The following PPM1B variants were observed in gnomAD, a reference collection of about 807,000 sequenced individuals.
PPM1B encodes protein phosphatase, Mg2+/Mn2+ dependent 1B.
A neutral mutation model predicts 43.0 loss-of-function variants in PPM1B; 22 were observed. That is an observed-to-expected ratio of 0.51 (90% CI 0.37 to 0.73). The LOEUF (loss-of-function observed/expected upper bound fraction) is 0.73. Ranked by LOEUF, PPM1B falls within the 30% of genes least tolerant of loss-of-function variation. The probability of loss-of-function intolerance (pLI) is 0.00; values close to 1 mark genes in which losing one functional copy is unlikely to be tolerated. For synonymous variants in PPM1B, 217 were observed against 197.9 expected, an observed-to-expected ratio of 1.10 and a Z score of -0.81; for missense variants, 632 against 584.2, an observed-to-expected ratio of 1.08 and a Z score of -0.84.
intron 1 of PPM1B, among the ~76,000 whole-genome samples, chr2:44,195,795 TGCA>T (rs1173304156): frequency 1.3e-5 from 2 of 152,204 alleles, no homozygotes; most frequent in East Asian, 3.9e-4. Context: ...TAACCAATAA[TGCA>T]GCAGAAGTGA....
At chr2:44,181,364 A>T (rs1269689461) in intron 1 of PPM1B, among the ~76,000 whole-genome samples, 2 of 152,126 alleles carry the variant, frequency 1.3e-5, no homozygotes, top group Admixed American at 6.5e-5. Context: ...GAGCCTAGGC[A>T]TGACAAATTA....
At chr2:44,232,852 T>G (rs1411626395), downstream of PPM1B, 1 of 970,540 alleles carries the variant, frequency 1.0e-6, no homozygotes, top group Non-Finnish European at 1.2e-6. Flanking sequence ...TATTTATTAT[T>G]GATTGTTATT....
chr2:44,241,979 C>G (rs1337339043), intron 5 of PPM1B, among the ~76,000 whole-genome samples: 3 of 150,838 alleles, frequency 2.0e-5, no homozygotes, highest in Non-Finnish European at 4.4e-5. Flanking sequence ...CTGCCCCAGC[C>G]TTCCGAGTAG....
chr2:44,232,736 A>G, downstream of PPM1B: 1 of 1,002,284 alleles, frequency 1.0e-6, no homozygotes. Flanking sequence ...TAAGCATGTA[A>G]GAGTAAAGAA....
intron 1 of PPM1B, among the ~76,000 whole-genome samples, chr2:44,169,743 CT>C (rs1667232535): frequency 6.6e-6 from 1 of 152,238 alleles, no homozygotes; most frequent in African/African-American, 2.4e-5. Flanking sequence ...GTTAAATCGT[CT>C]TTCTCTGCTG....
chr2:44,241,616 C>T (rs925958053), intron 5 of PPM1B, among the ~76,000 whole-genome samples: 1 of 116,810 alleles, frequency 8.6e-6, no homozygotes. Context: ...CCTGTAATCC[C>T]AGCTACCTGG....
At chr2:44,171,213 C>G (rs1667325243) in intron 1 of PPM1B, among the ~76,000 whole-genome samples, 1 of 152,014 alleles carries the variant, frequency 6.6e-6, no homozygotes. Flanking sequence ...TGTGAAGACT[C>G]TAGGAATAGG....
downstream of PPM1B, among the ~76,000 whole-genome samples, chr2:44,236,166 C>T (rs1382690442): frequency 6.6e-6 from 1 of 151,768 alleles, no homozygotes; most frequent in Non-Finnish European, 1.5e-5. Context: ...CAGGCCAAGG[C>T]GGGCAGATCA....
At chr2:44,237,593 C>G (rs964314904), downstream of PPM1B, among the ~76,000 whole-genome samples, 1 of 152,090 alleles carries the variant, frequency 6.6e-6, no homozygotes, top group Admixed American at 6.6e-5. Context: ...AGAGCCATAC[C>G]TTTTATGGAA....
At chr2:44,183,960 G>A (rs556243180) in intron 1 of PPM1B, among the ~76,000 whole-genome samples, 16 of 152,160 alleles carry the variant, frequency 1.1e-4, no homozygotes, top group African/African-American at 2.4e-4. Flanking sequence ...GTATGGTCTC[G>A]ATCTCCTGAC....
intron 3 of PPM1B, among the ~76,000 whole-genome samples, chr2:44,212,517 G>C (rs149391661): frequency 6.6e-6 from 1 of 152,118 alleles, no homozygotes; most frequent in African/African-American, 2.4e-5. Flanking sequence ...AAATCCAATC[G>C]TGTTGGACAA....
At chr2:44,221,346 A>G (rs1669969086) in intron 5 of PPM1B, among the ~76,000 whole-genome samples, 1 of 152,210 alleles carries the variant, frequency 6.6e-6, no homozygotes, top group South Asian at 2.1e-4. Flanking sequence ...AGTAGCAGAA[A>G]TGTGCTGAAA....
rs757689026 is a variant in PPM1B, at chr2:44,209,193, T to C, written c.847-17T>C. 1 of 1,545,444 alleles carries C rather than the reference T, an allele frequency of 6.5e-7. No individual in the cohort carries two copies. Among genetic ancestry groups the C allele is most frequent in the South Asian group, 1.2e-5 (1 of 81,730 alleles). The stretch of plus-strand genomic sequence containing the variant: ...GTAGAAATACAATTTTTTTTCTTTT[T>C]TTTCTTTAATACACAGGGAAGTCGA... On this transcript the variant is annotated splice_polypyrimidine_tract_variant and intron_variant, in intron 2 of 5. Coordinates refer to ENST00000282412, the MANE Select transcript of PPM1B (RefSeq NM_002706.6).
At chr2:44,221,677 T>G (rs1417575440) in intron 5 of PPM1B, among the ~76,000 whole-genome samples, 1 of 152,182 alleles carries the variant, frequency 6.6e-6, no homozygotes, top group African/African-American at 2.4e-5. Context: ...GACTCCTGAA[T>G]GTCTGCTTTA....
chr2:44,226,932 T>TTTATTTA (rs1553336995), intron 5 of PPM1B, among the ~76,000 whole-genome samples: 1 of 134,992 alleles, frequency 7.4e-6, no homozygotes, highest in Admixed American at 7.6e-5. Context: ...ATGGGAAACT[T>TTTATTTA]TTTATTTATT....
intron 1 of PPM1B, among the ~76,000 whole-genome samples, chr2:44,199,634 C>G (rs1283206799): frequency 6.6e-6 from 1 of 152,122 alleles, no homozygotes; most frequent in African/African-American, 2.4e-5. Context: ...CATTGTATCA[C>G]AGAGAATTAA....
intron 1 of PPM1B, among the ~76,000 whole-genome samples, chr2:44,194,987 G>C (rs752121160): frequency 3.2e-4 from 48 of 150,950 alleles, no homozygotes; most frequent in Non-Finnish European, 5.5e-4. Context: ...CACCTCTCAG[G>C]TTCAAGTGAT....
chr2:44,212,609 C>T (rs1017982123), intron 3 of PPM1B, among the ~76,000 whole-genome samples: 3 of 152,068 alleles, frequency 2.0e-5, no homozygotes, highest in Non-Finnish European at 2.9e-5. Context: ...TTAAATCTGC[C>T]GTCTTTCGTG....
At chr2:44,206,348 A>G (rs1490871273) in intron 2 of PPM1B, among the ~76,000 whole-genome samples, 1 of 152,216 alleles carries the variant, frequency 6.6e-6, no homozygotes, top group Non-Finnish European at 1.5e-5. Flanking sequence ...TATAACAGCT[A>G]CTGAAACATA....
Sources: allele counts gnomAD v4.1 joint callset (sites outside exome capture counted in the v4.1 genomes callset), GRCh38; gene constraint gnomAD v4.1.1; transcripts MANE v1.5; gene names NCBI Gene and HGNC (gene_info 2026-07-23, HGNC 2026-07-21).